Variants in TCF12 observed in about 807,000 individuals in gnomAD.
TCF12 encodes the protein transcription factor 12, also known as DNA-binding protein HTF4.
A neutral mutation model predicts 86.0 loss-of-function variants in TCF12; 45 were observed. The ratio of observed to expected loss-of-function variants is 0.52; its 90% CI spans 0.41 to 0.67. TCF12 has a LOEUF of 0.67. TCF12 is among the 30% of genes least tolerant of loss of function. TCF12 has a pLI of 0.00. For synonymous variants in TCF12, 330 were observed against 299.6 expected (o/e 1.10, Z -1.05); for missense variants, 881 against 859.9 (o/e 1.02, Z -0.31).
intron 19 of TCF12, among the ~76,000 whole-genome samples, chr15:57,273,597 CCCT>C (rs1413952271): frequency 1.3e-5 from 2 of 152,054 alleles, no homozygotes; most frequent in East Asian, 3.9e-4. Flanking sequence ...CCTGGACCTG[CCCT>C]CCTCCCTGCT....
chr15:57,072,116 A>G (rs1435857792), intron 4 of TCF12, among the ~76,000 whole-genome samples: 6 of 152,242 alleles, frequency 3.9e-5, no homozygotes, highest in African/African-American at 1.4e-4. Context: ...ATGATCTGAA[A>G]AGATGGTACA....
intron 3 of TCF12, among the ~76,000 whole-genome samples, chr15:57,043,140 T>G (rs772041410): frequency 2.6e-5 from 4 of 152,170 alleles, no homozygotes; most frequent in Non-Finnish European, 5.9e-5. Context: ...TTTTCTTTAT[T>G]TTTTTCATCT....
intron 3 of TCF12, among the ~76,000 whole-genome samples, chr15:57,041,459 G>A (rs2066892912): frequency 6.6e-6 from 1 of 152,164 alleles, no homozygotes; most frequent in African/African-American, 2.4e-5. Flanking sequence ...CTTTGCCACA[G>A]TGGGAATTCA....
intron 6 of TCF12, among the ~76,000 whole-genome samples, chr15:57,188,018 C>A (rs1356395131): frequency 6.6e-6 from 1 of 151,910 alleles, no homozygotes; most frequent in African/African-American, 2.4e-5. Flanking sequence ...GTAAAACTAT[C>A]CTCATTTGCA....
At chr15:57,265,776 A>G (rs191451530) in intron 18 of TCF12, among the ~76,000 whole-genome samples, 78 of 152,314 alleles carry the variant, frequency 5.1e-4, no homozygotes, top group African/African-American at 1.4e-3. Context: ...TGTAGTGTGT[A>G]CTGTACTTAA....
chr15:57,016,293 G>A (rs766881319), intron 3 of TCF12, among the ~76,000 whole-genome samples: 1 of 152,176 alleles, frequency 6.6e-6, no homozygotes, highest in South Asian at 2.1e-4. Flanking sequence ...CAGATTACAA[G>A]GTAGATTCTG....
intron 5 of TCF12, among the ~76,000 whole-genome samples, chr15:57,094,437 C>T (rs2049183300): frequency 6.6e-6 from 1 of 152,146 alleles, no homozygotes; most frequent in African/African-American, 2.4e-5. Context: ...CCTCTTAAAT[C>T]ACAATGCAGT....
At chr15:57,206,218 T>C (rs767331928) in intron 8 of TCF12, among the ~76,000 whole-genome samples, 8 of 152,114 alleles carry the variant, frequency 5.3e-5, no homozygotes, top group Non-Finnish European at 1.2e-4. Context: ...TACAAGGTAA[T>C]GAGGCCAGGC....
intron 6 of TCF12, among the ~76,000 whole-genome samples, chr15:57,177,956 C>T (rs1229787084): frequency 6.6e-6 from 1 of 152,070 alleles, no homozygotes; most frequent in African/African-American, 2.4e-5. Context: ...CTGTTCTCTC[C>T]ATGAAAATTG....
At chr15:57,235,264 A>G (rs2059333228) in intron 12 of TCF12, among the ~76,000 whole-genome samples, 1 of 152,222 alleles carries the variant, frequency 6.6e-6, no homozygotes, top group African/African-American at 2.4e-5. Context: ...CTGAGCATTT[A>G]CATGCCCTGT....
At chr15:57,150,161 A>G (rs2053638303) in intron 5 of TCF12, among the ~76,000 whole-genome samples, 3 of 152,192 alleles carry the variant, frequency 2.0e-5, no homozygotes, top group African/African-American at 7.2e-5. Context: ...CAGAGAAGCT[A>G]TGGGACTAGG....
intron 3 of TCF12, among the ~76,000 whole-genome samples, chr15:56,997,247 G>T (rs1321069399): frequency 6.6e-6 from 1 of 152,170 alleles, no homozygotes. Context: ...TGGTGGATTG[G>T]GTAGAGAAAA....
intron 3 of TCF12, among the ~76,000 whole-genome samples, chr15:57,044,191 A>G (rs1163668572): frequency 3.3e-5 from 5 of 152,222 alleles, no homozygotes; most frequent in African/African-American, 1.2e-4. Flanking sequence ...GTCAGAACAC[A>G]TAGTAAATTT....
chr15:57,273,052 T>C lies in TCF12; in HGVS notation c.1768T>C (p.Leu590=), dbSNP rs1301305493. Residue 590 remains leucine, a synonymous_variant, in exon 19 of 21, where the codon TTG becomes CTG. Transcript: ENST00000333725. The stretch of plus-strand genomic sequence containing the variant: ...TAGCAGTACTAATGAAGATGAGGAT[T>C]TGAACCCTGAACAGAAGATAGAAAG... The part of the protein sequence containing the change: ...RTSSTNEDED[L]NPEQKIEREK... 3.7e-6 allele frequency: 6 copies of C among 1,614,064 alleles called. No homozygotes were observed. Among genetic ancestry groups the C allele is most frequent in the Non-Finnish European group, 5.1e-6 (6 of 1,180,028 alleles).
chr15:57,002,558 C>A (rs1414191235), intron 3 of TCF12, among the ~76,000 whole-genome samples: 2 of 152,132 alleles, frequency 1.3e-5, no homozygotes, highest in African/African-American at 4.8e-5. Context: ...TTTTTTGACA[C>A]AATACAGAGT....
intron 3 of TCF12, among the ~76,000 whole-genome samples, chr15:57,034,427 G>A (rs1256109545): frequency 6.6e-6 from 1 of 152,078 alleles, no homozygotes; most frequent in African/African-American, 2.4e-5. Context: ...ACCTGTGAAA[G>A]GGATTGCAGT....
At chr15:57,220,891 T>C (rs574499709) in intron 8 of TCF12, among the ~76,000 whole-genome samples, 1 of 152,192 alleles carries the variant, frequency 6.6e-6, no homozygotes, top group African/African-American at 2.4e-5. Context: ...ATGGGCTTAG[T>C]GAAGGGGGGG....
chr15:57,137,546 CGTT>C (rs1348043274), intron 5 of TCF12, among the ~76,000 whole-genome samples: 2 of 152,090 alleles, frequency 1.3e-5, no homozygotes, highest in Non-Finnish European at 2.9e-5. Context: ...ATGTAGGAAT[CGTT>C]GTAGGATTTA....
chr15:56,979,919 G>GT (rs1467007577), intron 3 of TCF12, among the ~76,000 whole-genome samples: 3 of 152,092 alleles, frequency 2.0e-5, no homozygotes, highest in Non-Finnish European at 4.4e-5. Flanking sequence ...CCTGTTAATC[G>GT]TAACAGTGGA....
Sources: gnomAD v4.1 joint callset for allele counts (sites outside exome capture counted in the v4.1 genomes callset) on GRCh38, gnomAD v4.1.1 for gene constraint, MANE v1.5 for transcripts, NCBI Gene and HGNC (gene_info 2026-07-23, HGNC 2026-07-21) for gene names.